Variants in NAV3 observed in about 807,000 individuals in gnomAD.
NAV3 encodes neuron navigator 3.
Under a neutral mutation model 244.7 loss-of-function variants are expected in NAV3, and 87 were observed. The ratio of observed to expected loss-of-function variants is 0.36; its 90% CI spans 0.30 to 0.42. The LOEUF (loss-of-function observed/expected upper bound fraction) is 0.42, where lower values mean the gene tolerates loss of function less well. NAV3 is among the 20% of genes least tolerant of loss of function. NAV3 has a pLI of 1.00. For missense variants in NAV3, 2,663 were observed against 2,893.3 expected (o/e 0.92, Z 1.83); for synonymous variants, 1,126 against 1,042.2 (o/e 1.08, Z -1.55).
chr12:77,994,166 A>C (rs551754804), intron 5 of NAV3, among the ~76,000 whole-genome samples: 2 of 152,350 alleles, frequency 1.3e-5, no homozygotes, highest in African/African-American at 4.8e-5. Flanking sequence ...AGTATTTGTT[A>C]AGTTGTTTAT....
At chr12:77,651,142 A>T (rs1872803701) in intron 2 of NAV3, among the ~76,000 whole-genome samples, 1 of 152,110 alleles carries the variant, frequency 6.6e-6, no homozygotes, top group Admixed American at 6.6e-5. Context: ...ACTCAGGTTA[A>T]TTATAAAAAA....
intron 2 of NAV3, among the ~76,000 whole-genome samples, chr12:77,791,405 C>T (rs753582702): frequency 1.3e-5 from 2 of 151,322 alleles, no homozygotes; most frequent in African/African-American, 4.9e-5. Flanking sequence ...TTTTCTTCTT[C>T]ACTCAATCTT....
intron 2 of NAV3, among the ~76,000 whole-genome samples, chr12:77,658,448 G>A (rs918657261): frequency 1.2e-4 from 17 of 145,866 alleles, no homozygotes; most frequent in African/African-American, 4.3e-4. Context: ...ACTGCTCAAT[G>A]AAATAAAAGA....
intron 2 of NAV3, among the ~76,000 whole-genome samples, chr12:77,686,550 C>G (rs1480416323): frequency 6.6e-6 from 1 of 150,762 alleles, no homozygotes; most frequent in African/African-American, 2.4e-5. Flanking sequence ...TATCAGACTT[C>G]GATTTGTCAG....
intron 2 of NAV3, among the ~76,000 whole-genome samples, chr12:77,650,727 C>A (rs531250288): frequency 6.6e-6 from 1 of 152,110 alleles, no homozygotes; most frequent in South Asian, 2.1e-4. Context: ...CTGAAAGTGT[C>A]TTGGAGCCTG....
intron 2 of NAV3, among the ~76,000 whole-genome samples, chr12:77,681,801 C>T (rs1363216945): frequency 2.0e-5 from 3 of 152,130 alleles, no homozygotes; most frequent in African/African-American, 7.2e-5. Context: ...CTCTCTCTCC[C>T]AGAGGAAATT....
chr12:78,037,386 G>T (rs1880082155), intron 9 of NAV3: 1 of 694,266 alleles, frequency 1.4e-6, no homozygotes, highest in Admixed American at 2.0e-5. Context: ...TGACTTATTA[G>T]GTAAGTCCAA....
intron 2 of NAV3, among the ~76,000 whole-genome samples, chr12:77,769,340 A>T (rs572357328): frequency 6.6e-6 from 1 of 152,342 alleles, no homozygotes; most frequent in African/African-American, 2.4e-5. Context: ...CCTTAGACAT[A>T]TGTAAAATGC....
chr12:77,921,644 G>A (rs1182708373), intron 1 of NAV3, among the ~76,000 whole-genome samples: 1 of 152,030 alleles, frequency 6.6e-6, no homozygotes, highest in Non-Finnish European at 1.5e-5. Context: ...TTTCTAACGT[G>A]AAAGATGAAA....
intron 2 of NAV3, among the ~76,000 whole-genome samples, chr12:77,613,664 TG>T (rs1871022714): frequency 6.6e-6 from 1 of 152,128 alleles, no homozygotes; most frequent in Non-Finnish European, 1.5e-5. Context: ...TCTCAGTGTT[TG>T]TGGGTGAGGC....
intron 18 of NAV3, 45 bp downstream of exon 18, chr12:78,128,911 C>T (rs768798133): frequency 6.4e-7 from 1 of 1,562,438 alleles, no homozygotes; most frequent in Non-Finnish European, 8.8e-7. Context: ...TCTTTCACCA[C>T]CCACTCTCAC....
In NAV3 at chr12:78,050,038, C is replaced by T. The variant is rs748623202; in HGVS notation, c.2069C>T (p.Ala690Val). The change falls in exon 10 of 40, where the codon GCA becomes GTA. Residue 690 changes from alanine (A) to valine (V), a missense_variant. By Grantham distance (64) the Ala-to-Val change is moderately conservative (BLOSUM62 0). This residue lies in a region of NAV3 where 1,521 missense variants were observed against 1,497.0 expected (regional missense o/e 1.02). Coordinates refer to ENST00000397909, the MANE Select transcript of NAV3 (RefSeq NM_001024383.2). ...TRRMRTVKNI[A>V]DLRQNLEETM... ...AGAATGAGAACAGTTAAAAACATAG[C>T]AGACTTGAGGCAGAATTTAGAAGAG... The T allele has an allele frequency of 6.2e-6, 10 of 1,613,110 alleles. No homozygotes were observed. The highest frequency in any genetic ancestry group is 7.6e-6 in the Non-Finnish European group (9 of 1,179,648).
At chr12:77,906,219 C>CACAG (rs1318604800) in intron 1 of NAV3, among the ~76,000 whole-genome samples, 1 of 151,976 alleles carries the variant, frequency 6.6e-6, no homozygotes, top group Non-Finnish European at 1.5e-5. Flanking sequence ...TAGAGATAAA[C>CACAG]ACAGACAGAC....
At chr12:78,206,854 C>CTTTTTTTTTTTTTTTTTTTTTTTTCTT in intron 39 of NAV3, among the ~76,000 whole-genome samples, 1 of 114,840 alleles carries the variant, frequency 8.7e-6, no homozygotes, top group Non-Finnish European at 1.8e-5. Context: ...TTCTTTCTTA[C>CTTTTTTTTTTTTTTTTTTTTTTTTCTT]TTTTTTTTTT....
intron 1 of NAV3, among the ~76,000 whole-genome samples, chr12:77,868,808 T>C (rs1011521629): frequency 1.6e-4 from 24 of 146,396 alleles, no homozygotes; most frequent in African/African-American, 6.1e-4. Flanking sequence ...GGTGGCTCAC[T>C]CCTTTAATCC....
In NAV3 at chr12:78,007,166, C is replaced by A. The variant is rs1874380606; in HGVS notation, c.1628C>A (p.Pro543His). The A allele has an allele frequency of 1.2e-6, 2 of 1,614,170 alleles. No individual in the cohort carries two copies. The highest frequency in any genetic ancestry group is 1.7e-6 in the Non-Finnish European group (2 of 1,180,040). Residue 543 changes from proline to histidine, a missense_variant, in exon 8 of 40, where the codon CCT becomes CAT. Pro to His is a moderately conservative substitution (Grantham distance 77). Coordinates refer to ENST00000397909, the MANE Select transcript of NAV3 (RefSeq NM_001024383.2). ...KVPTVKQTIS[P>H]GSTASKESEK... ...CCAACAGTAAAGCAAACCATTTCAC[C>A]TGGCAGCACAGCAAGCAAAGAGTCT...
intron 2 of NAV3, among the ~76,000 whole-genome samples, chr12:77,766,045 G>C (rs1869734498): frequency 6.6e-6 from 1 of 152,090 alleles, no homozygotes; most frequent in Non-Finnish European, 1.5e-5. Flanking sequence ...AAATTTAAGG[G>C]ATATGAGCAA....
At chr12:77,911,011 G>A (rs923887816) in intron 1 of NAV3, among the ~76,000 whole-genome samples, 1 of 152,054 alleles carries the variant, frequency 6.6e-6, no homozygotes, top group African/African-American at 2.4e-5. Context: ...AGAAGTGAAT[G>A]GCTATCTTTT....
At chr12:77,868,376 G>T (rs1174948459) in intron 1 of NAV3, among the ~76,000 whole-genome samples, 1 of 151,874 alleles carries the variant, frequency 6.6e-6, no homozygotes, top group Non-Finnish European at 1.5e-5. Flanking sequence ...GAACTAAGAG[G>T]AAAAAACTGA....
Sources: gnomAD v4.1 joint callset for allele counts (sites outside exome capture counted in the v4.1 genomes callset) on GRCh38, gnomAD v4.1.1 for gene constraint, gnomAD v4.1.1 regional missense constraint, MANE v1.5 for transcripts, NCBI Gene and HGNC (gene_info 2026-07-23, HGNC 2026-07-21) for gene names.